PDLIM5: variants seen among roughly 807,000 people sequenced by gnomAD.
PDLIM5 encodes the protein PDZ and LIM domain 5.
A neutral mutation model predicts 64.2 loss-of-function variants in PDLIM5; 34 were observed. That is an observed-to-expected ratio of 0.53 (90% confidence interval 0.40 to 0.71). The LOEUF (loss-of-function observed/expected upper bound fraction) is 0.71. PDLIM5 is among the 30% of genes least tolerant of loss of function. The pLI is 0.00. For synonymous variants in PDLIM5, 253 were observed against 269.1 expected (o/e 0.94, Z 0.59); for missense variants, 683 against 733.6 (o/e 0.93, Z 0.80).
chr4:94,558,501 A>G (rs1269327332), intron 3 of PDLIM5, among the ~76,000 whole-genome samples: 1 of 152,186 alleles, frequency 6.6e-6, no homozygotes, highest in Non-Finnish European at 1.5e-5. Flanking sequence ...CTGTCTACAT[A>G]TGAGTGTTCA....
At chr4:94,556,641 TTTCTC>T (rs1431186809) in intron 3 of PDLIM5, among the ~76,000 whole-genome samples, 5 of 152,232 alleles carry the variant, frequency 3.3e-5, no homozygotes, top group African/African-American at 4.8e-5. Context: ...TTGATTTACA[TTTCTC>T]TGATGGCAGT....
At chr4:94,620,363 A>C (rs1271612850) in intron 8 of PDLIM5, among the ~76,000 whole-genome samples, 3 of 152,014 alleles carry the variant, frequency 2.0e-5, no homozygotes, top group Non-Finnish European at 2.9e-5. Flanking sequence ...GCAAAACCCC[A>C]TCTCTACTAA....
chr4:94,659,761 C>A (rs1180278004), intron 11 of PDLIM5, among the ~76,000 whole-genome samples: 2 of 151,812 alleles, frequency 1.3e-5, no homozygotes, highest in African/African-American at 4.8e-5. Flanking sequence ...ATCTCCTGAC[C>A]TCGTGATCCG....
At chr4:94,599,473 G>GA (rs1300555814) in intron 7 of PDLIM5, among the ~76,000 whole-genome samples, 6 of 151,138 alleles carry the variant, frequency 4.0e-5, no homozygotes, top group East Asian at 1.9e-4. Context: ...ACTGAGTGAG[G>GA]AAAAAAAAGG....
chr4:94,657,617 A>G (rs1032573552), intron 11 of PDLIM5, 70 bp downstream of exon 11: 27 of 1,111,728 alleles, frequency 2.4e-5, no homozygotes, highest in Non-Finnish European at 3.0e-5. Flanking sequence ...ATATTACTAT[A>G]AAGCTCAAGA....
intron 9 of PDLIM5, among the ~76,000 whole-genome samples, chr4:94,652,484 A>G (rs1204153190): frequency 1.3e-5 from 2 of 152,226 alleles, no homozygotes; most frequent in Non-Finnish European, 2.9e-5. Flanking sequence ...GGCTTTGAGC[A>G]GTGTGATTCC....
intron 9 of PDLIM5, among the ~76,000 whole-genome samples, chr4:94,641,008 T>G (rs975301852): frequency 6.6e-6 from 1 of 152,218 alleles, no homozygotes; most frequent in Non-Finnish European, 1.5e-5. Flanking sequence ...TATTGTCTCT[T>G]AAATTACAAG....
At chr4:94,661,542 A>G (rs1742716941) in intron 11 of PDLIM5, among the ~76,000 whole-genome samples, 1 of 152,260 alleles carries the variant, frequency 6.6e-6, no homozygotes, top group Non-Finnish European at 1.5e-5. Flanking sequence ...GGTTTTCAAC[A>G]TGAAGTCATA....
chr4:94,648,633 G>A (rs559245762), intron 9 of PDLIM5, among the ~76,000 whole-genome samples: 2 of 152,294 alleles, frequency 1.3e-5, no homozygotes, highest in South Asian at 4.2e-4. Flanking sequence ...TGAGTCTATG[G>A]GTTAGCTGAG....
intron 3 of PDLIM5, among the ~76,000 whole-genome samples, chr4:94,558,763 C>T (rs1733588789): frequency 6.6e-6 from 1 of 151,186 alleles, no homozygotes; most frequent in Non-Finnish European, 1.5e-5. Flanking sequence ...AATAATAAAT[C>T]AGTTCCCTAT....
chr4:94,597,707 G>A (rs779761364), intron 7 of PDLIM5, among the ~76,000 whole-genome samples: 7 of 152,042 alleles, frequency 4.6e-5, no homozygotes, highest in Admixed American at 2.6e-4. Flanking sequence ...TACTATCTGC[G>A]TTTGTTTCAA....
At chr4:94,506,116 A>G (rs958144051) in intron 2 of PDLIM5, among the ~76,000 whole-genome samples, 5 of 152,342 alleles carry the variant, frequency 3.3e-5, no homozygotes, top group Admixed American at 2.6e-4. Context: ...GCTGTAAGCT[A>G]GGAAAGTGGA....
intron 3 of PDLIM5, among the ~76,000 whole-genome samples, chr4:94,547,090 T>TA (rs1732391731): frequency 6.6e-6 from 1 of 152,062 alleles, no homozygotes; most frequent in African/African-American, 2.4e-5. Context: ...TACCTCAATT[T>TA]AAAAAAATGC....
chr4:94,522,300 T>C (rs964432560), intron 2 of PDLIM5, among the ~76,000 whole-genome samples: 11 of 152,212 alleles, frequency 7.2e-5, no homozygotes, highest in African/African-American at 2.7e-4. Context: ...CTTTAAATGT[T>C]TTCTAAAATC....
At chr4:94,606,060 A>G (rs1737891366) in intron 7 of PDLIM5, among the ~76,000 whole-genome samples, 1 of 152,152 alleles carries the variant, frequency 6.6e-6, no homozygotes. Context: ...GAATTGTGAC[A>G]CAGTCTCTAG....
chr4:94,662,132 A>G (rs899000690), intron 11 of PDLIM5, among the ~76,000 whole-genome samples: 3 of 152,072 alleles, frequency 2.0e-5, no homozygotes, highest in Non-Finnish European at 4.4e-5. Flanking sequence ...ACAGTTCTTT[A>G]TATGTATTTA....
intron 2 of PDLIM5, among the ~76,000 whole-genome samples, chr4:94,515,974 A>G (rs1560670313): frequency 6.6e-6 from 1 of 152,230 alleles, no homozygotes; most frequent in Non-Finnish European, 1.5e-5. Context: ...TTCACACATT[A>G]ACACTTTGGA....
At chr4:94,497,588 A>G (rs934116112) in intron 2 of PDLIM5, among the ~76,000 whole-genome samples, 1 of 152,152 alleles carries the variant, frequency 6.6e-6, no homozygotes, top group Non-Finnish European at 1.5e-5. Flanking sequence ...TATTGGAGAG[A>G]TAAAGGGAAA....
intron 8 of PDLIM5, among the ~76,000 whole-genome samples, chr4:94,626,732 G>A (rs756359528): frequency 3.3e-5 from 5 of 151,540 alleles, no homozygotes; most frequent in Non-Finnish European, 7.4e-5. Context: ...ATAAAGAAAA[G>A]CTTGTTTACT....
Sources: allele counts gnomAD v4.1 joint callset (sites outside exome capture counted in the v4.1 genomes callset), GRCh38; gene constraint gnomAD v4.1.1; transcripts MANE v1.5; gene names NCBI Gene and HGNC (gene_info 2026-07-23, HGNC 2026-07-21).